The following BRCA2 variants were observed in gnomAD, a reference collection of about 807,000 sequenced individuals.
The protein encoded by BRCA2 is breast cancer type 2 susceptibility protein.
Under a neutral mutation model 276.7 loss-of-function variants are expected in BRCA2, and 203 were observed. That is an observed-to-expected ratio of 0.73 (90% CI 0.65 to 0.82). The LOEUF is 0.82. BRCA2 is among the 40% of genes least tolerant of loss of function. The pLI, the probability that BRCA2 is intolerant of heterozygous loss-of-function variation, is 0.00. For synonymous variants in BRCA2, 1,289 were observed against 1,338.4 expected (o/e 0.96, Z 0.81); for missense variants, 3,920 against 3,915.0 (o/e 1.00, Z -0.03).
chr13:32,335,781 A>G (rs1168324765), intron 10 of BRCA2, among the ~76,000 whole-genome samples: 3 of 152,188 alleles, frequency 2.0e-5, no homozygotes, highest in Non-Finnish European at 4.4e-5. Flanking sequence ...AAAAAATGTA[A>G]TAACTGAAAA....
At chr13:32,346,749 A>T (rs973418159) in intron 12 of BRCA2, 78 bp from the exon 13 acceptor site, 59 of 1,201,816 alleles carry the variant, frequency 4.9e-5, no homozygotes, top group Non-Finnish European at 5.3e-5. Flanking sequence ...ATTGTCTCAA[A>T]TTTTTTGTGT....
intron 11 of BRCA2, among the ~76,000 whole-genome samples, chr13:32,344,295 ATC>A (rs2072594232): frequency 6.6e-6 from 1 of 152,042 alleles, no homozygotes; most frequent in Non-Finnish European, 1.5e-5. Flanking sequence ...ATCTGGTAGC[ATC>A]TGTTTATCCT....
In BRCA2 at chr13:32,380,128, C is replaced by G. The variant is rs757824441; in HGVS notation, c.9239C>G (p.Ser3080Cys). Residue 3080 changes from serine to cysteine, a missense_variant, in exon 24 of 27, where the codon TCT becomes TGT. Physicochemically the swap from Ser to Cys is moderately radical, Grantham distance 112. Around this residue, in one of 2 missense-constraint regions of BRCA2, gnomAD observed 657 missense variants for 758.2 expected, o/e 0.87. Coordinates refer to ENST00000380152, the MANE Select transcript of BRCA2 (RefSeq NM_000059.4). ...SEVDLIGFVV[S>C]VVKKTGLAPF... is the part of the protein sequence containing the mutation. The stretch of plus-strand genomic sequence containing the variant: ...GTGGACCTAATAGGATTTGTCGTTT[C>G]TGTTGTGAAAAAAACAGGTAATGCA... 1 of 1,612,634 alleles carries G rather than the reference C, an allele frequency of 6.2e-7. No individual in the cohort carries two copies.
chr13:32,323,419 C>G (rs2137442995), intron 3 of BRCA2, among the ~76,000 whole-genome samples: 1 of 152,286 alleles, frequency 6.6e-6, no homozygotes, highest in South Asian at 2.1e-4. Context: ...TCCCAAAGTG[C>G]TGGGATTACA....
rs1043050140 is a variant in BRCA2, at chr13:32,394,696, C to T, written c.9264C>T (p.Ala3088=). The change falls in exon 25 of 27, where the codon GCC becomes GCT. Residue 3088 remains alanine, a synonymous_variant. Coordinates refer to ENST00000380152, the MANE Select transcript of BRCA2 (RefSeq NM_000059.4). ...VVSVVKKTGL[A]PFVYLSDECY... is the part of the protein sequence containing the mutation. ...CTTTTTTTTCCATTCTAGGACTTGC[C>T]CCTTTCGTCTATTTGTCAGACGAAT... 6.2e-7 allele frequency: 1 copy of T among 1,613,036 alleles called. No individual in the cohort carries two copies. Among genetic ancestry groups the T allele is most frequent in the Non-Finnish European group, 8.5e-7 (1 of 1,179,470 alleles).
chr13:32,386,428 A>ATC (rs1286725976), intron 24 of BRCA2, among the ~76,000 whole-genome samples: 1 of 152,102 alleles, frequency 6.6e-6, no homozygotes, highest in Non-Finnish European at 1.5e-5. Context: ...AAAAATGATA[A>ATC]TCATCTTTTC....
At chr13:32,356,398 T>A (rs925773518) in intron 14 of BRCA2, 30 bp from the exon 15 acceptor site, 2 of 1,604,910 alleles carry the variant, frequency 1.2e-6, no homozygotes, top group African/African-American at 2.7e-5. Flanking sequence ...ATTTCAATTT[T>A]ATTTTTGCTA....
At chr13:32,353,710 G>C (rs1208193441) in intron 13 of BRCA2, among the ~76,000 whole-genome samples, 1 of 152,198 alleles carries the variant, frequency 6.6e-6, no homozygotes, top group Non-Finnish European at 1.5e-5. Flanking sequence ...AATAGTTGAT[G>C]GATGGGCGAA....
chr13:32,368,819 G>GAT (rs1555287493), intron 18 of BRCA2, among the ~76,000 whole-genome samples: 2 of 138,340 alleles, frequency 1.4e-5, no homozygotes, highest in Admixed American at 1.5e-4. Context: ...GGTTTTTTTT[G>GAT]TTTTTTTTTT....
rs529582251 is a variant in BRCA2, at chr13:32,357,590, G to A, written c.7618-152G>A. 6.7e-6 allele frequency: 5 copies of A among 741,312 alleles called. No individual in the cohort carries two copies. The African/African-American group carries it at 8.9e-5, about 13-fold the overall frequency. The allele number at this position is 741,312 out of a possible 1,614,324, so 45.9% of individuals were successfully genotyped here. A position where few individuals can be genotyped will look rare whatever the true frequency, so the allele number is the denominator to read the frequency against. ...ATTACATTAAAATTTTTAGTTTCTA[G>A]TAAATAACTTAAATGTTTTTGTAGT... On this transcript the variant is annotated intron_variant, in intron 15 of 26. Coordinates refer to ENST00000380152, the MANE Select transcript of BRCA2 (RefSeq NM_000059.4).
At chr13:32,392,979 T>C (rs1015871887) in intron 24 of BRCA2, among the ~76,000 whole-genome samples, 1 of 152,228 alleles carries the variant, frequency 6.6e-6, no homozygotes, top group African/African-American at 2.4e-5. Context: ...TCAATTATTT[T>C]GTAGCATTCC....
In BRCA2 at chr13:32,398,205, C is replaced by T; in HGVS notation, c.9692C>T (p.Ser3231Leu). The part of the protein sequence containing the change: ...NCEIYYQSPL[S>L]LCMAKRKSVS... ...GAGATATATTATCAAAGTCCTTTAT[C>T]ACTTTGTATGGCCAAAAGGAAGTCT... Residue 3231 changes from serine to leucine, a missense_variant, in exon 27 of 27, where the codon TCA becomes TTA. This residue lies in a region of BRCA2 where 657 missense variants were observed against 758.2 expected (regional missense o/e 0.87). Transcript: ENST00000380152. 1.2e-6 allele frequency: 2 copies of T among 1,612,062 alleles called. No homozygotes were observed. The highest frequency in any genetic ancestry group is 8.5e-7 in the Non-Finnish European group (1 of 1,178,922).
rs74047022 is a variant in BRCA2, at chr13:32,399,599, A to T, written c.*829A>T. 11 of 175,400 alleles carry T rather than the reference A, an allele frequency of 6.3e-5. No individual in the cohort carries two copies. Among genetic ancestry groups the T allele is most frequent in the African/African-American group, 1.4e-4 (6 of 41,938 alleles). The allele number at this position is 175,400 out of a possible 1,614,324, so 10.9% of individuals were successfully genotyped here. A position where few individuals can be genotyped will look rare whatever the true frequency, so the allele number is the denominator to read the frequency against. ...AATCAGAAGATTTCATAGTTAATTT[A>T]TTTTTTTTTTCAACAAAATGGTCAT... On this transcript the variant is annotated 3_prime_UTR_variant, in exon 27 of 27. Transcript: ENST00000380152.
In BRCA2 at chr13:32,340,077, C is replaced by T. The variant is rs878939010; in HGVS notation, c.5722C>T (p.Leu1908=). ...TTCAGAGGATATTCTTCATAACTCT[C>T]TAGATAATGATGAATGTAGCACGCA... The part of the protein sequence containing the change: ...DDSEDILHNS[L]DNDECSTHSH... Residue 1908 remains leucine, a synonymous_variant, in exon 11 of 27, where the codon CTA becomes TTA. Coordinates refer to ENST00000380152, the MANE Select transcript of BRCA2 (RefSeq NM_000059.4). 6.2e-7 allele frequency: 1 copy of T among 1,613,806 alleles called. No homozygotes were observed. Among genetic ancestry groups the T allele is most frequent in the South Asian group, 1.1e-5 (1 of 91,064 alleles).
Position 32,342,652 on chromosome 13 carries a change from A to G in BRCA2, c.6841+1456A>G, listed in dbSNP as rs11571665. 0.041 allele frequency among the ~76,000 whole-genome samples: 6,252 copies of G among 152,316 alleles called. 217 individuals are homozygous for G. The highest frequency in any genetic ancestry group is 0.11 in the South Asian group (554 of 4,832). On this transcript the variant is annotated intron_variant, in intron 11 of 26. Coordinates refer to ENST00000380152, the MANE Select transcript of BRCA2 (RefSeq NM_000059.4). ...CTTATTGCTCCTAGGCTGCAAACCT[A>G]TACAGCATGTTACTGTCCTGAATAC...
intron 3 of BRCA2, among the ~76,000 whole-genome samples, chr13:32,323,313 TG>T (rs1249005543): frequency 6.6e-6 from 1 of 152,058 alleles, no homozygotes; most frequent in Non-Finnish European, 1.5e-5. Flanking sequence ...CCACCACACC[TG>T]GCTGATTTTT....
At chr13:32,320,433 A>G (rs1396983564) in intron 3 of BRCA2, among the ~76,000 whole-genome samples, 1 of 152,114 alleles carries the variant, frequency 6.6e-6, no homozygotes, top group African/African-American at 2.4e-5. Flanking sequence ...TTCCTACTGA[A>G]TTTCTTTTCG....
intron 21 of BRCA2, among the ~76,000 whole-genome samples, chr13:32,378,788 G>C (rs149460856): frequency 7.2e-5 from 11 of 152,222 alleles, no homozygotes; most frequent in African/African-American, 2.4e-4. Flanking sequence ...AAACATAAAA[G>C]TATGTTTAGT....
At position 32,340,237 on chromosome 13, in the gene BRCA2, G is replaced by A. The variant is rs80358820; in HGVS notation, c.5882G>A (p.Ser1961Asn). ...SLETSDICKC[S>N]IGKLHKSVSS... is the part of the protein sequence containing the mutation. ...GAAACTTCAGATATATGTAAATGTA[G>A]TATAGGGAAGCTTCATAAGTCAGTC... The change falls in exon 11 of 27, where the codon AGT becomes AAT. Residue 1961 changes from serine (S) to asparagine (N), a missense_variant. Physicochemically the swap from Ser to Asn is conservative, Grantham distance 46. Around this residue, in one of 2 missense-constraint regions of BRCA2, gnomAD observed 3,263 missense variants for 3,156.9 expected, o/e 1.03. Coordinates refer to ENST00000380152, the MANE Select transcript of BRCA2 (RefSeq NM_000059.4). 5.0e-6 allele frequency: 8 copies of A among 1,613,852 alleles called. No homozygotes were observed. The highest frequency in any genetic ancestry group is 5.9e-6 in the Non-Finnish European group (7 of 1,179,904).
Sources: gnomAD v4.1 joint callset for allele counts (sites outside exome capture counted in the v4.1 genomes callset) on GRCh38, gnomAD v4.1.1 for gene constraint, gnomAD v4.1.1 regional missense constraint, MANE v1.5 for transcripts, NCBI Gene and HGNC (gene_info 2026-07-23, HGNC 2026-07-21) for gene names.